Variants in TRDN observed in about 807,000 individuals in gnomAD.
The protein encoded by TRDN is triadin, also known as triadin in skeletal muscle.
TRDN carries 161 observed loss-of-function variants against 149.7 expected under a neutral mutation model. The observed-to-expected ratio is 1.08, with a 90% confidence interval of 0.95 to 1.23. TRDN has a LOEUF of 1.23. Ranked by LOEUF, TRDN falls within the 50% of genes most tolerant of loss-of-function variation. TRDN has a pLI of 0.00. For missense variants in TRDN, 896 were observed against 823.5 expected (o/e 1.09, Z -1.08); for synonymous variants, 294 against 250.5 (o/e 1.17, Z -1.64).
At chr6:123,522,669 G>A (rs1456938524) in intron 5 of TRDN, among the ~76,000 whole-genome samples, 1 of 151,994 alleles carries the variant, frequency 6.6e-6, no homozygotes, top group Non-Finnish European at 1.5e-5. Context: ...ACTAACCACA[G>A]ACATTTGACT....
At chr6:123,237,669 T>G (rs1775840913) in intron 38 of TRDN, among the ~76,000 whole-genome samples, 1 of 152,226 alleles carries the variant, frequency 6.6e-6, no homozygotes, top group Non-Finnish European at 1.5e-5. Flanking sequence ...TCCAAATGTG[T>G]TAATTTTTTT....
chr6:123,609,554 T>C (rs74359962), intron 1 of TRDN, among the ~76,000 whole-genome samples: 8,110 of 152,226 alleles, frequency 0.053, 739 homozygotes, highest in African/African-American at 0.18. Context: ...TAAACACTTG[T>C]TTATTAATTA....
intron 1 of TRDN, among the ~76,000 whole-genome samples, chr6:123,572,441 G>T (rs2114543873): frequency 6.6e-6 from 1 of 152,040 alleles, no homozygotes; most frequent in Non-Finnish European, 1.5e-5. Context: ...CTACTGTATG[G>T]CTAGAAAGCC....
chr6:123,517,555 G>A (rs1363007224), intron 5 of TRDN, among the ~76,000 whole-genome samples: 2 of 151,862 alleles, frequency 1.3e-5, no homozygotes, highest in African/African-American at 2.4e-5. Flanking sequence ...CTAGTGATCT[G>A]ACATTTTCTT....
chr6:123,611,352 CA>C (rs1052358592), intron 1 of TRDN, among the ~76,000 whole-genome samples: 2 of 152,100 alleles, frequency 1.3e-5, no homozygotes, highest in Non-Finnish European at 2.9e-5. Flanking sequence ...AACAATGTAA[CA>C]GTTGCCCACA....
chr6:123,573,664 G>A (rs1782686326), intron 1 of TRDN, among the ~76,000 whole-genome samples: 1 of 152,008 alleles, frequency 6.6e-6, no homozygotes, highest in South Asian at 2.1e-4. Flanking sequence ...TACAGGCAAA[G>A]AGGAACATAC....
chr6:123,616,058 T>A (rs909039438), intron 1 of TRDN, among the ~76,000 whole-genome samples: 3 of 152,102 alleles, frequency 2.0e-5, no homozygotes, highest in African/African-American at 7.2e-5. Context: ...AAAAAAGACC[T>A]ATAAAAATTA....
At chr6:123,437,768 T>C (rs1774652524) in intron 12 of TRDN, among the ~76,000 whole-genome samples, 1 of 152,086 alleles carries the variant, frequency 6.6e-6, no homozygotes, top group South Asian at 2.1e-4. Context: ...GAAAAGCCAA[T>C]ATGCAAAAAC....
At chr6:123,229,443 T>C (rs1261393953) in intron 38 of TRDN, among the ~76,000 whole-genome samples, 2 of 151,952 alleles carry the variant, frequency 1.3e-5, no homozygotes, top group African/African-American at 4.8e-5. Flanking sequence ...CACATAACTG[T>C]CTGTTTCTAC....
chr6:123,380,944 T>C (rs1781695359), intron 16 of TRDN, among the ~76,000 whole-genome samples: 1 of 151,964 alleles, frequency 6.6e-6, no homozygotes, highest in Non-Finnish European at 1.5e-5. Context: ...ATATATCACA[T>C]GGGCATGCCA....
chr6:123,315,466 C>T (rs1418330796), intron 24 of TRDN, among the ~76,000 whole-genome samples: 2 of 151,760 alleles, frequency 1.3e-5, no homozygotes, highest in Non-Finnish European at 2.9e-5. Context: ...TGGCAATGCT[C>T]TTAAGAGAAA....
chr6:123,495,988 T>TA (rs1778426903), intron 9 of TRDN, among the ~76,000 whole-genome samples: 1 of 149,682 alleles, frequency 6.7e-6, no homozygotes, highest in East Asian at 1.9e-4. Context: ...CCTGAAGGTT[T>TA]ATTTCCAATT....
At chr6:123,453,052 T>C (rs1157520016) in intron 10 of TRDN, among the ~76,000 whole-genome samples, 1 of 152,108 alleles carries the variant, frequency 6.6e-6, no homozygotes, top group Admixed American at 6.5e-5. Flanking sequence ...TAGCCACATG[T>C]AGGAGAATGA....
intron 23 of TRDN, among the ~76,000 whole-genome samples, chr6:123,320,276 T>C (rs1779194550): frequency 6.6e-6 from 1 of 151,584 alleles, no homozygotes; most frequent in Non-Finnish European, 1.5e-5. Flanking sequence ...CTAAGGTAAG[T>C]ATATTATATA....
At chr6:123,405,123 T>G (rs1018867618) in intron 12 of TRDN, among the ~76,000 whole-genome samples, 5 of 152,218 alleles carry the variant, frequency 3.3e-5, no homozygotes, top group Non-Finnish European at 2.9e-5. Context: ...CATAATGTGT[T>G]TCTTTAGCAG....
chr6:123,419,513 A>G (rs578143249), intron 12 of TRDN, among the ~76,000 whole-genome samples: 24 of 152,284 alleles, frequency 1.6e-4, no homozygotes, highest in Middle Eastern at 3.4e-3. Context: ...AGCTAGGACT[A>G]CAGGCATGTG....
chr6:123,289,875 G>T lies in TRDN; in HGVS notation c.1511-10793C>A, dbSNP rs147212809. 6.0e-3 allele frequency among the ~76,000 whole-genome samples: 919 copies of T among 152,212 alleles called. 2 individuals carry two copies. The highest frequency in any genetic ancestry group is 8.3e-3 in the Non-Finnish European group (564 of 68,012). ...GAATCAGTGTGCCTGCTATGAGCAA[G>T]AGGGCCATTGACAATAAGAATGTTT... On this transcript the variant is annotated intron_variant, in intron 24 of 40. Coordinates refer to ENST00000334268, the MANE Select transcript of TRDN (RefSeq NM_006073.4).
chr6:123,435,143 TATTAAC>T (rs1356764159), intron 12 of TRDN, among the ~76,000 whole-genome samples: 1 of 150,072 alleles, frequency 6.7e-6, no homozygotes, highest in African/African-American at 2.4e-5. Context: ...ATATAAATAA[TATTAAC>T]ATTAACATAA....
At chr6:123,595,680 C>T (rs1455254989) in intron 1 of TRDN, among the ~76,000 whole-genome samples, 1 of 152,108 alleles carries the variant, frequency 6.6e-6, no homozygotes, top group Admixed American at 6.6e-5. Context: ...ATATTTCAAA[C>T]TACTCCATTA....
Sources: gnomAD v4.1 joint callset for allele counts (sites outside exome capture counted in the v4.1 genomes callset) on GRCh38, gnomAD v4.1.1 for gene constraint, MANE v1.5 for transcripts, NCBI Gene and HGNC (gene_info 2026-07-23, HGNC 2026-07-21) for gene names.